The following UNC5D variants were observed in gnomAD, a reference collection of about 807,000 sequenced individuals.
UNC5D encodes netrin receptor UNC5D.
Under a neutral mutation model 105.4 loss-of-function variants are expected in UNC5D, and 39 were observed. The ratio of observed to expected loss-of-function variants is 0.37; its 90% CI spans 0.29 to 0.48. The LOEUF (loss-of-function observed/expected upper bound fraction) is 0.48, where lower values mean the gene tolerates loss of function less well. Among genes scored for constraint, UNC5D ranks in the 20% least tolerant of loss-of-function variants. UNC5D has a pLI of 0.98. For synonymous variants in UNC5D, 452 were observed against 450.4 expected (o/e 1.00, Z -0.04); for missense variants, 991 against 1,202.4 (o/e 0.82, Z 2.60).
intron 3 of UNC5D, among the ~76,000 whole-genome samples, chr8:35,578,354 C>A (rs1325694078): frequency 6.6e-6 from 1 of 151,228 alleles, no homozygotes; most frequent in East Asian, 1.9e-4. Flanking sequence ...TTACACATAC[C>A]TGTGTCGAGG....
chr8:35,646,419 G>T (rs1056712304), intron 4 of UNC5D, among the ~76,000 whole-genome samples: 1 of 152,014 alleles, frequency 6.6e-6, no homozygotes, highest in South Asian at 2.1e-4. Flanking sequence ...GCTCATTTTT[G>T]CCTGTCCCTA....
At chr8:35,409,974 T>C (rs150861196) in intron 1 of UNC5D, among the ~76,000 whole-genome samples, 13 of 151,992 alleles carry the variant, frequency 8.6e-5, no homozygotes, top group Non-Finnish European at 1.8e-4. Context: ...GCAACATTTG[T>C]TGAAAAACTG....
chr8:35,705,105 C>T (rs1333237217), intron 7 of UNC5D, among the ~76,000 whole-genome samples: 1 of 152,014 alleles, frequency 6.6e-6, no homozygotes, highest in Non-Finnish European at 1.5e-5. Context: ...GCTGGGACTA[C>T]AGGCGCCTGC....
intron 1 of UNC5D, among the ~76,000 whole-genome samples, chr8:35,360,411 C>A (rs1440227149): frequency 1.3e-5 from 2 of 152,144 alleles, no homozygotes. Flanking sequence ...TTTAAAGCAG[C>A]TTTTGCGAAC....
At chr8:35,649,315 C>T (rs552692239) in intron 4 of UNC5D, among the ~76,000 whole-genome samples, 8 of 152,274 alleles carry the variant, frequency 5.3e-5, no homozygotes, top group African/African-American at 1.9e-4. Context: ...ATCTGGAGTT[C>T]TACTCAGTTG....
intron 4 of UNC5D, among the ~76,000 whole-genome samples, chr8:35,652,915 ATTTTTTTTTTTTTT>A (rs34611902): frequency 4.1e-5 from 2 of 49,144 alleles, no homozygotes; most frequent in East Asian, 6.0e-4. Flanking sequence ...ACAAGTGAGG[ATTTTTTTTTTTTTT>A]TTTTTTTTTT....
At chr8:35,550,869 G>A (rs1405055066) in intron 2 of UNC5D, among the ~76,000 whole-genome samples, 1 of 152,174 alleles carries the variant, frequency 6.6e-6, no homozygotes, top group Non-Finnish European at 1.5e-5. Flanking sequence ...GAGTTTTAGT[G>A]GCCTGAAGGT....
At chr8:35,242,939 A>T (rs777438779) in intron 1 of UNC5D, among the ~76,000 whole-genome samples, 1 of 152,162 alleles carries the variant, frequency 6.6e-6, no homozygotes, top group Non-Finnish European at 1.5e-5. Flanking sequence ...TAATAAACCT[A>T]CTGGGAGAGA....
chr8:35,627,307 C>G lies in UNC5D; in HGVS notation c.570+31650C>G, dbSNP rs371613677. On this transcript the variant is annotated intron_variant, in intron 4 of 16. Coordinates refer to ENST00000404895, the MANE Select transcript of UNC5D (RefSeq NM_080872.4). ...AACAATAACGTTCAGACATAATCAT[C>G]TGGCTTAATTAATCTCGTAATTTCT... Among the ~76,000 whole-genome samples the G allele has an allele frequency of 2.3e-3, 352 of 152,306 alleles. 3 individuals are homozygous for G. Among genetic ancestry groups the G allele is most frequent in the African/African-American group, 8.2e-3 (339 of 41,564 alleles).
chr8:35,374,640 G>A (rs1023890501), intron 1 of UNC5D, among the ~76,000 whole-genome samples: 3 of 152,106 alleles, frequency 2.0e-5, no homozygotes, highest in African/African-American at 7.2e-5. Context: ...GTCTCAAAAG[G>A]ACACACTAAA....
chr8:35,778,472 A>G (rs1263185388), intron 16 of UNC5D, among the ~76,000 whole-genome samples: 1 of 152,216 alleles, frequency 6.6e-6, no homozygotes, highest in Non-Finnish European at 1.5e-5. Context: ...AACTAATAGT[A>G]AATGTTTTAA....
chr8:35,288,581 G>A (rs1370076855), intron 1 of UNC5D, among the ~76,000 whole-genome samples: 5 of 152,164 alleles, frequency 3.3e-5, no homozygotes, highest in African/African-American at 7.2e-5. Context: ...ATACTGTAAC[G>A]GTGGTATATA....
chr8:35,483,003 A>G (rs973762049), intron 1 of UNC5D, among the ~76,000 whole-genome samples: 3 of 151,670 alleles, frequency 2.0e-5, no homozygotes, highest in African/African-American at 2.4e-5. Context: ...AGGTTTCACC[A>G]TGTTGGCCAG....
chr8:35,328,698 C>A lies in UNC5D; in HGVS notation c.103+92811C>A, dbSNP rs79324351. On this transcript the variant is annotated intron_variant, in intron 1 of 16. Transcript: ENST00000404895. ...TTTTAATACACCAGCTCAGACATCA[C>A]ATATAAACTTAATAAAGTTAGATTG... 9.1e-3 allele frequency among the ~76,000 whole-genome samples: 1,392 copies of A among 152,200 alleles called. 28 individuals carry two copies. Among genetic ancestry groups the A allele is most frequent in the African/African-American group, 0.033 (1,363 of 41,516 alleles).
At chr8:35,722,968 T>TCTATC (rs147599083) in intron 9 of UNC5D, among the ~76,000 whole-genome samples, 6,320 of 152,166 alleles carry the variant, frequency 0.042, 167 homozygotes, top group Non-Finnish European at 0.058. Flanking sequence ...GGAAGGAAAA[T>TCTATC]CTATCATGTC....
At chr8:35,290,675 G>T (rs141202588) in intron 1 of UNC5D, among the ~76,000 whole-genome samples, 1 of 152,214 alleles carries the variant, frequency 6.6e-6, no homozygotes. Context: ...GAGGCCAGGC[G>T]CGGTGGTTCA....
Position 35,440,113 on chromosome 8 carries a change from C to CAATA in UNC5D, c.104-109179_104-109178insAATA, listed in dbSNP as rs1807301795. Among the ~76,000 whole-genome samples the CAATA allele has an allele frequency of 2.6e-5, 4 of 151,998 alleles. 1 individual carries two copies. The highest frequency in any genetic ancestry group is 9.7e-5 in the African/African-American group (4 of 41,412). ...AAGTTCAACTCTATCACGCTGGTGA[C>CAATA]CTGTATTGCCAGGCAGTAGCAATAG... On this transcript the variant is annotated intron_variant, in intron 1 of 16. Transcript: ENST00000404895.
At chr8:35,466,612 A>G (rs1809322049) in intron 1 of UNC5D, among the ~76,000 whole-genome samples, 1 of 152,154 alleles carries the variant, frequency 6.6e-6, no homozygotes, top group South Asian at 2.1e-4. Context: ...CCATGAGACT[A>G]TTTCTCATGG....
At chr8:35,440,624 AC>A (rs1307207193) in intron 1 of UNC5D, among the ~76,000 whole-genome samples, 1 of 151,992 alleles carries the variant, frequency 6.6e-6, no homozygotes, top group East Asian at 1.9e-4. Flanking sequence ...TTAGAAGCAA[AC>A]CCTTTGCATC....
Sources: allele counts gnomAD v4.1 joint callset (sites outside exome capture counted in the v4.1 genomes callset), GRCh38; gene constraint gnomAD v4.1.1; transcripts MANE v1.5; gene names NCBI Gene and HGNC (gene_info 2026-07-23, HGNC 2026-07-21).